PLCL1: variants seen among roughly 807,000 people sequenced by gnomAD.
The protein encoded by PLCL1 is phospholipase C like 1 (inactive).
A neutral mutation model predicts 84.4 loss-of-function variants in PLCL1; 41 were observed. That is an observed-to-expected ratio of 0.49 (90% CI 0.38 to 0.63). The LOEUF is 0.63. Among genes scored for constraint, PLCL1 ranks in the 30% least tolerant of loss-of-function variants. PLCL1 has a pLI of 0.00. For missense variants in PLCL1, 1,206 were observed against 1,367.8 expected (o/e 0.88, Z 1.87); for synonymous variants, 490 against 488.3 (o/e 1.00, Z -0.05).
intron 1 of PLCL1, among the ~76,000 whole-genome samples, chr2:197,984,064 A>G (rs990999570): frequency 2.0e-5 from 3 of 152,212 alleles, no homozygotes; most frequent in African/African-American, 4.8e-5. Context: ...TTGTTATCAA[A>G]GTATAATTTT....
At chr2:197,825,762 T>C (rs999093446) in intron 1 of PLCL1, among the ~76,000 whole-genome samples, 1 of 152,250 alleles carries the variant, frequency 6.6e-6, no homozygotes, top group Non-Finnish European at 1.5e-5. Context: ...TCATTTTTGC[T>C]ACTTTCTAAC....
At chr2:197,918,552 T>C (rs964070211) in intron 1 of PLCL1, among the ~76,000 whole-genome samples, 1 of 152,202 alleles carries the variant, frequency 6.6e-6, no homozygotes, top group African/African-American at 2.4e-5. Flanking sequence ...TCATTATTTT[T>C]CTACAGTCTG....
intron 5 of PLCL1, among the ~76,000 whole-genome samples, chr2:198,131,457 G>A (rs775327281): frequency 2.1e-4 from 32 of 152,086 alleles, no homozygotes; most frequent in Non-Finnish European, 4.0e-4. Flanking sequence ...TTTTAACATA[G>A]CAATTTTAAC....
chr2:197,989,737 A>C (rs933507357), intron 1 of PLCL1, among the ~76,000 whole-genome samples: 3 of 151,562 alleles, frequency 2.0e-5, no homozygotes, highest in African/African-American at 7.3e-5. Context: ...AAACAAAAAA[A>C]AAAGTGTTTT....
rs139768316 is a variant in PLCL1 at position 197,958,565 on chromosome 2, A to G, written c.241-125193A>G. On this transcript the variant is annotated intron_variant, in intron 1 of 5. Transcript: ENST00000428675. ...ATCTAACCACATTGATCTTTGCTTT[A>G]GAAAGTATTTCAAAATCTTTCAAGT... Among the ~76,000 whole-genome samples the G allele has an allele frequency of 4.5e-3, 680 of 152,192 alleles. 2 individuals carry two copies. Among genetic ancestry groups the G allele is most frequent in the African/African-American group, 0.015 (635 of 41,556 alleles).
At chr2:198,105,549 T>G (rs1406629384) in intron 5 of PLCL1, among the ~76,000 whole-genome samples, 1 of 151,588 alleles carries the variant, frequency 6.6e-6, no homozygotes, top group East Asian at 1.9e-4. Flanking sequence ...AATAAGGCAA[T>G]GAGGTTTTCG....
chr2:198,100,360 T>C (rs1305283182), intron 3 of PLCL1, among the ~76,000 whole-genome samples: 1 of 151,906 alleles, frequency 6.6e-6, no homozygotes, highest in Non-Finnish European at 1.5e-5. Flanking sequence ...TTTGGGAATA[T>C]GGGGAGTGAG....
chr2:198,003,070 A>G (rs1345103755), intron 1 of PLCL1, among the ~76,000 whole-genome samples: 1 of 152,058 alleles, frequency 6.6e-6, no homozygotes, highest in African/African-American at 2.4e-5. Context: ...TTCTAGATTT[A>G]GAGGTTGTTA....
chr2:198,082,061 C>T (rs954887208), intron 1 of PLCL1, among the ~76,000 whole-genome samples: 1 of 152,172 alleles, frequency 6.6e-6, no homozygotes, highest in Non-Finnish European at 1.5e-5. Context: ...TGGTCAGTAC[C>T]TACTCATAGT....
intron 1 of PLCL1, among the ~76,000 whole-genome samples, chr2:197,845,194 C>G (rs550069046): frequency 1.3e-5 from 2 of 151,940 alleles, no homozygotes; most frequent in Non-Finnish European, 2.9e-5. Flanking sequence ...GAATTCTTAC[C>G]TTTGAGGGGC....
chr2:198,120,041 T>C (rs551136856), intron 5 of PLCL1, among the ~76,000 whole-genome samples: 22 of 152,116 alleles, frequency 1.4e-4, no homozygotes, highest in Admixed American at 1.2e-3. Flanking sequence ...AACGTCACCA[T>C]TGGATGCCTA....
intron 1 of PLCL1, among the ~76,000 whole-genome samples, chr2:198,074,845 T>G (rs1312629836): frequency 1.3e-5 from 2 of 152,230 alleles, no homozygotes; most frequent in Non-Finnish European, 2.9e-5. Context: ...GCAACATTAA[T>G]TAGAATAAAA....
At chr2:197,870,798 G>A (rs1228312449) in intron 1 of PLCL1, among the ~76,000 whole-genome samples, 2 of 151,440 alleles carry the variant, frequency 1.3e-5, no homozygotes. Flanking sequence ...CTCCTTGGAT[G>A]TGGAATTGAT....
At chr2:198,065,971 G>C (rs148423877) in intron 1 of PLCL1, among the ~76,000 whole-genome samples, 1 of 151,892 alleles carries the variant, frequency 6.6e-6, no homozygotes, top group Non-Finnish European at 1.5e-5. Context: ...ATTAGTAATC[G>C]TGTCAAATTC....
Position 197,805,484 on chromosome 2 carries a change from C to G in PLCL1, c.240+145C>G. On this transcript the variant is annotated intron_variant, in intron 1 of 5. Transcript: ENST00000428675. This position sits in a 1 kb window ranked among gnomAD's most constrained non-coding sequence, Gnocchi z 4.0. ...TCAACGCCAAACCTTCCTTCCTTAT[C>G]CGGAGGTTCCCAGACTCAGCTGTCA... 4 of 771,448 alleles carry G rather than the reference C, an allele frequency of 5.2e-6. No homozygotes were observed. Among genetic ancestry groups the G allele is most frequent in the Non-Finnish European group, 7.1e-6 (4 of 566,284 alleles). 47.8% of individuals were successfully genotyped at this position (771,448 alleles called of 1,614,324 possible).
At chr2:198,104,437 A>C (rs944391273) in intron 5 of PLCL1, among the ~76,000 whole-genome samples, 1 of 151,950 alleles carries the variant, frequency 6.6e-6, no homozygotes, top group Non-Finnish European at 1.5e-5. Flanking sequence ...TATCCAGTCC[A>C]CTATTGACGG....
In PLCL1 at chr2:197,880,982, TAGTC is replaced by T. The variant is rs903172835; in HGVS notation, c.240+75645_240+75648del. On this transcript the variant is annotated intron_variant, in intron 1 of 5. Transcript: ENST00000428675. ...GTGCAGAAATGTACCTTTTAAAGGT[TAGTC>T]AATGTGAATTTAGAGCTGTAGGGAA... Among the ~76,000 whole-genome samples the T allele has an allele frequency of 7.2e-4, 109 of 152,288 alleles. 1 individual carries two copies. The highest frequency in any genetic ancestry group is 2.6e-3 in the African/African-American group (107 of 41,568).
intron 1 of PLCL1, among the ~76,000 whole-genome samples, chr2:197,846,825 G>A (rs1161179700): frequency 2.0e-5 from 3 of 152,120 alleles, no homozygotes; most frequent in African/African-American, 7.2e-5. Context: ...TGTCAAGGTG[G>A]AGACATATAT....
intron 1 of PLCL1, among the ~76,000 whole-genome samples, chr2:197,960,776 G>A (rs1689603160): frequency 6.6e-6 from 1 of 151,926 alleles, no homozygotes; most frequent in Non-Finnish European, 1.5e-5. Flanking sequence ...TTGTCATTAG[G>A]GAATTGAGAA....
Sources: gnomAD v4.1 joint callset for allele counts (sites outside exome capture counted in the v4.1 genomes callset) on GRCh38, gnomAD v4.1.1 for gene constraint, Gnocchi (gnomAD v3.1) non-coding constraint, MANE v1.5 for transcripts, NCBI Gene and HGNC (gene_info 2026-07-23, HGNC 2026-07-21) for gene names.